Variants in CCL25 observed in about 807,000 individuals in gnomAD.
CCL25 encodes the protein C-C motif chemokine ligand 25.
CCL25 carries 14 observed loss-of-function variants against 19.9 expected under a neutral mutation model. The ratio of observed to expected loss-of-function variants is 0.70; its 90% CI spans 0.47 to 1.10. The LOEUF is 1.10. CCL25 is among the 50% of genes least tolerant of loss of function. The pLI is 0.00. For synonymous variants in CCL25, 68 were observed against 73.2 expected, an observed-to-expected ratio of 0.93 and a Z score of 0.36; for missense variants, 151 against 181.2, an observed-to-expected ratio of 0.83 and a Z score of 0.96.
rs1046731325 is a variant in CCL25, at chr19:8,054,586, C to T, written c.73+1464C>T. On this transcript the variant is annotated intron_variant, in intron 2 of 5. Transcript: ENST00000315626. ...AGGCAGAGAATTGCACCCCAGCTTC[C>T]TCCACTATCTCATCAGCTCATCCTC... Among the ~76,000 whole-genome samples the T allele has an allele frequency of 2.0e-5, 3 of 152,064 alleles. No homozygotes were observed. In the East Asian group the frequency reaches 5.8e-4, roughly 29 times the overall value.
intron 2 of CCL25, among the ~76,000 whole-genome samples, chr19:8,055,897 C>A (rs1012661398): frequency 1.3e-5 from 2 of 152,260 alleles, no homozygotes; most frequent in South Asian, 4.1e-4. Context: ...GGCCTTGGTC[C>A]GTTCATTTGC....
rs1406485266 is a variant in CCL25, at chr19:8,055,548, A to C, written c.74-604A>C. Among the ~76,000 whole-genome samples the C allele has an allele frequency of 9.3e-5, 14 of 151,214 alleles. No individual in the cohort carries two copies. The East Asian group carries it at 2.6e-3, about 28-fold the overall frequency. On this transcript the variant is annotated intron_variant, in intron 2 of 5. Transcript: ENST00000315626. ...ACGGGGTTTCACCGTGTTAGCCAGG[A>C]TGGTCTCAATCTCCTGACCTCGTGA... is the stretch of plus-strand genomic sequence containing the variant.
intron 2 of CCL25, among the ~76,000 whole-genome samples, chr19:8,053,457 T>A (rs906102423): frequency 1.3e-5 from 2 of 151,716 alleles, no homozygotes; most frequent in Non-Finnish European, 2.9e-5. Context: ...AGGGGTGGGG[T>A]TGGAGATCAG....
chr19:8,053,270 T>C (rs2081245889), intron 2 of CCL25, 148 bp downstream of exon 2: 1 of 521,998 alleles, frequency 1.9e-6, no homozygotes, highest in Admixed American at 3.4e-5. Flanking sequence ...TCCTGGTGTT[T>C]GGTTAGCTCT....
chr19:8,062,401 T>C lies in CCL25; in HGVS notation c.*176T>C. 2 of 650,178 alleles carry C rather than the reference T, an allele frequency of 3.1e-6. No homozygotes were observed. The highest frequency in any genetic ancestry group is 5.4e-6 in the Non-Finnish European group (2 of 372,228). 40.3% of individuals were successfully genotyped at this position (650,178 alleles called of 1,614,324 possible). ...CACCACCTCCTGCCCGTCTGGCAAC[T>C]GGAAAGAGGGAGTTGGCCTGATTTT... On this transcript the variant is annotated 3_prime_UTR_variant, in exon 6 of 6. Coordinates refer to ENST00000315626, the MANE Select transcript of CCL25 (RefSeq NM_005624.4).
At position 8,062,504 on chromosome 19, in the gene CCL25, TCTCA is replaced by T; in HGVS notation, c.*282_*285del. 2.1e-6 allele frequency: 1 copy of T among 483,836 alleles called. No homozygotes were observed. Among genetic ancestry groups the T allele is most frequent in the South Asian group, 2.8e-5 (1 of 35,176 alleles). 30.0% of individuals were successfully genotyped at this position (483,836 alleles called of 1,614,324 possible). ...TTGTAGAGAAGACTTAGGATACCTC[TCTCA>T]CTTTCTGTTTCTTGCCGTCCACCCC... On this transcript the variant is annotated 3_prime_UTR_variant, in exon 6 of 6. Coordinates refer to ENST00000315626, the MANE Select transcript of CCL25 (RefSeq NM_005624.4).
chr19:8,054,998 C>T lies in CCL25; in HGVS notation c.74-1154C>T, dbSNP rs546882827. On this transcript the variant is annotated intron_variant, in intron 2 of 5. Coordinates refer to ENST00000315626, the MANE Select transcript of CCL25 (RefSeq NM_005624.4). Reference sequence around the variant, plus strand: ...CCTCCAGAGTAGCTGGGATTAAAAGCGCCCACTATCAGCCAGGCACAGTGG... The same window carrying T: ...CCTCCAGAGTAGCTGGGATTAAAAGTGCCCACTATCAGCCAGGCACAGTGG... Among the ~76,000 whole-genome samples, 470 of 150,276 alleles carry T rather than the reference C, an allele frequency of 3.1e-3. 5 individuals carry two copies. Among genetic ancestry groups the T allele is most frequent in the Non-Finnish European group, 1.4e-3 (95 of 67,688 alleles).
chr19:8,059,157 TATAATATATA>T (rs1297847297), intron 5 of CCL25, among the ~76,000 whole-genome samples: 2 of 38,004 alleles, frequency 5.3e-5, no homozygotes, highest in East Asian at 5.4e-4. Context: ...ATATAATATA[TATAATATATA>T]ATATATATAA....
chr19:8,053,238 C>G, intron 2 of CCL25, 116 bp downstream of exon 2: 2 of 591,722 alleles, frequency 3.4e-6, no homozygotes, highest in South Asian at 5.7e-5. Flanking sequence ...ACTGAATTCT[C>G]CCGCTCCTGA....
At chr19:8,053,146 C>T in intron 2 of CCL25, 24 bp downstream of exon 2, 3 of 1,493,578 alleles carry the variant, frequency 2.0e-6, no homozygotes, top group Non-Finnish European at 2.7e-6. Flanking sequence ...CAATGCCTAC[C>T]ACCAAGTGCC....
chr19:8,062,542 C>T lies in CCL25; in HGVS notation c.*317C>T. The stretch of plus-strand genomic sequence containing the variant: ...TTCTTGCCGTCCACCCCGGGCCATG[C>T]CAGTGTGTCCCTCTGGGTCCCTCCA... On this transcript the variant is annotated 3_prime_UTR_variant, in exon 6 of 6. Coordinates refer to ENST00000315626, the MANE Select transcript of CCL25 (RefSeq NM_005624.4). 2.5e-6 allele frequency: 1 copy of T among 399,080 alleles called. No individual in the cohort carries two copies. The highest frequency in any genetic ancestry group is 3.9e-5 in the Admixed American group (1 of 25,958). 24.7% of individuals were successfully genotyped at this position (399,080 alleles called of 1,614,324 possible). A position where few individuals can be genotyped will look rare whatever the true frequency, so the allele number is the denominator to read the frequency against.
At chr19:8,057,176 C>G (rs896267161) in intron 4 of CCL25, among the ~76,000 whole-genome samples, 1 of 151,968 alleles carries the variant, frequency 6.6e-6, no homozygotes, top group African/African-American at 2.4e-5. Flanking sequence ...CACGCCACCA[C>G]GCCTGGCTAA....
At chr19:8,053,267 G>A (rs1013235028) in intron 2 of CCL25, 145 bp downstream of exon 2, 11 of 525,748 alleles carry the variant, frequency 2.1e-5, no homozygotes, top group African/African-American at 1.5e-4. Flanking sequence ...AACTCCTGGT[G>A]TTTGGTTAGC....
chr19:8,056,321 G>C, intron 3 of CCL25, 45 bp from the exon 4 acceptor site: 1 of 1,608,322 alleles, frequency 6.2e-7, no homozygotes. Context: ...CAGCCTTGCT[G>C]CCAGCCTACA....
At position 8,057,828 on chromosome 19, in the gene CCL25, G is replaced by C. The variant is rs761062468; in HGVS notation, c.353G>C (p.Ser118Thr). 6.2e-7 allele frequency: 1 copy of C among 1,613,152 alleles called. No individual in the cohort carries two copies. The highest frequency in any genetic ancestry group is 1.3e-5 in the African/African-American group (1 of 74,888). ...GGCCCTCATGCTGTAAAGAAGTTGA[G>C]TTCTGGAAACTCCAAGTTATCATCG... Reference protein sequence around the residue: ...QAGPHAVKKLSSGNSKLSSSK... With the variant: ...QAGPHAVKKLTSGNSKLSSSK... The change falls in exon 5 of 6, where the codon AGT (serine) becomes ACT (threonine). Residue 118 changes from serine (S) to threonine (T), a missense_variant. Physicochemically the swap from Ser to Thr is moderately conservative, Grantham distance 58. Coordinates refer to ENST00000315626, the MANE Select transcript of CCL25 (RefSeq NM_005624.4).
chr19:8,059,752 C>T (rs1456997797), intron 5 of CCL25, among the ~76,000 whole-genome samples: 1 of 152,112 alleles, frequency 6.6e-6, no homozygotes, highest in Non-Finnish European at 1.5e-5. Context: ...GTGGCTCACG[C>T]CTGTAATCCT....
rs2081325291 is a variant in CCL25, at chr19:8,062,516, T to G, written c.*291T>G. ...CTTAGGATACCTCTCTCACTTTCTGTTTCTTGCCGTCCACCCCGGGCCATG... is the reference window on the plus strand; with the variant it reads ...CTTAGGATACCTCTCTCACTTTCTGGTTCTTGCCGTCCACCCCGGGCCATG... On this transcript the variant is annotated 3_prime_UTR_variant, in exon 6 of 6. Transcript: ENST00000315626. 2.2e-6 allele frequency: 1 copy of G among 463,982 alleles called. No individual in the cohort carries two copies. The allele number at this position is 463,982 out of a possible 1,614,324, so 28.7% of individuals were successfully genotyped here.
intron 4 of CCL25, among the ~76,000 whole-genome samples, chr19:8,056,925 C>T (rs1321622594): frequency 1.3e-5 from 2 of 152,168 alleles, no homozygotes; most frequent in African/African-American, 2.4e-5. Context: ...TCACTGAAGC[C>T]TTGACCTCCC....
Position 8,062,447 on chromosome 19 carries a change from G to T in CCL25, c.*222G>T, listed in dbSNP as rs2287936. ...ATTTTAAGCCTTTTGCCGCTCCGGGGACCAGCAGCAATCCTGGGCAGCCAG... is the reference window on the plus strand; with the variant it reads ...ATTTTAAGCCTTTTGCCGCTCCGGGTACCAGCAGCAATCCTGGGCAGCCAG... On this transcript the variant is annotated 3_prime_UTR_variant, in exon 6 of 6. Transcript: ENST00000315626. 6 of 568,116 alleles carry T rather than the reference G, an allele frequency of 1.1e-5. No homozygotes were observed. The highest frequency in any genetic ancestry group is 1.9e-5 in the Non-Finnish European group (6 of 316,852). The allele number at this position is 568,116 out of a possible 1,614,324, so 35.2% of individuals were successfully genotyped here.
Sources: gnomAD v4.1 joint callset for allele counts (sites outside exome capture counted in the v4.1 genomes callset) on GRCh38, gnomAD v4.1.1 for gene constraint, MANE v1.5 for transcripts, NCBI Gene and HGNC (gene_info 2026-07-23, HGNC 2026-07-21) for gene names.